Variants in LARGE1 observed in about 807,000 individuals in gnomAD.
The protein encoded by LARGE1 is LARGE xylosyl- and glucuronyltransferase 1, also known as xylosyl- and glucuronyltransferase LARGE1.
Under a neutral mutation model 87.6 loss-of-function variants are expected in LARGE1, and 43 were observed. The ratio of observed to expected loss-of-function variants is 0.49; its 90% CI spans 0.38 to 0.63. The LOEUF (loss-of-function observed/expected upper bound fraction) is 0.63. Ranked by LOEUF, LARGE1 falls within the 30% of genes least tolerant of loss-of-function variation. The pLI is 0.00. For synonymous variants in LARGE1, 434 were observed against 394.6 expected, an observed-to-expected ratio of 1.10 and a Z score of -1.18; for missense variants, 802 against 1,000.2, an observed-to-expected ratio of 0.80 and a Z score of 2.67.
chr22:33,214,210 A>G (rs1236496003), intron 11 of LARGE1, among the ~76,000 whole-genome samples: 1 of 152,092 alleles, frequency 6.6e-6, no homozygotes, highest in East Asian at 1.9e-4. Flanking sequence ...AGGTGTTTAC[A>G]TGGTTCCTTT....
chr22:33,500,487 A>G (rs5754579), intron 6 of LARGE1, among the ~76,000 whole-genome samples: 44,701 of 152,096 alleles, frequency 0.29, 6,994 homozygotes, highest in African/African-American at 0.38. Context: ...AATCTCCCGC[A>G]GGAGACTATT....
intron 6 of LARGE1, among the ~76,000 whole-genome samples, chr22:33,483,897 G>A (rs2069446134): frequency 6.6e-6 from 1 of 152,116 alleles, no homozygotes; most frequent in South Asian, 2.1e-4. Context: ...GCCTGCTGCT[G>A]GGCATGGCCT....
intron 6 of LARGE1, among the ~76,000 whole-genome samples, chr22:33,542,162 CAAAAAAAAAA>C (rs150998193): frequency 1.1e-5 from 1 of 92,696 alleles, no homozygotes; most frequent in Non-Finnish European, 2.0e-5. Flanking sequence ...AACTCTGTCT[CAAAAAAAAAA>C]AAAAAAAAAA....
At chr22:33,179,699 T>C (rs1443535815) in intron 11 of LARGE1, among the ~76,000 whole-genome samples, 3 of 152,342 alleles carry the variant, frequency 2.0e-5, no homozygotes, top group South Asian at 4.1e-4. Flanking sequence ...GTCCATTTAT[T>C]TGCTGGGTTT....
Position 33,625,496 on chromosome 22 carries a change from A to C in LARGE1, c.491+748T>G, listed in dbSNP as rs187562615. 2.6e-5 allele frequency among the ~76,000 whole-genome samples: 4 copies of C among 152,330 alleles called. No individual in the cohort carries two copies. In the East Asian group the frequency reaches 7.7e-4, roughly 29 times the overall value. On this transcript the variant is annotated intron_variant, in intron 4 of 14. Coordinates refer to ENST00000397394, the MANE Select transcript of LARGE1 (RefSeq NM_133642.5). ...TCATCCGCAGGTTGGGAAACAGTTT[A>C]ACTAAGGCAGGACTTTTTTACAGTC...
At chr22:33,418,497 G>A (rs1416438346) in intron 7 of LARGE1, among the ~76,000 whole-genome samples, 1 of 152,170 alleles carries the variant, frequency 6.6e-6, no homozygotes, top group Non-Finnish European at 1.5e-5. Context: ...GTGCAAAGAA[G>A]AAATATAAAT....
intron 1 of LARGE1, among the ~76,000 whole-genome samples, chr22:33,787,039 A>G (rs1230149505): frequency 6.6e-6 from 1 of 151,306 alleles, no homozygotes; most frequent in Non-Finnish European, 1.5e-5. Flanking sequence ...AAAAAAAAAG[A>G]AAGAAAAAGT....
chr22:33,392,118 C>T (rs932334640), intron 7 of LARGE1, among the ~76,000 whole-genome samples: 5 of 151,266 alleles, frequency 3.3e-5, no homozygotes, highest in African/African-American at 9.7e-5. Flanking sequence ...CAGAGTGACA[C>T]AGCAGAATGA....
At chr22:33,527,888 C>T (rs1302962358) in intron 6 of LARGE1, among the ~76,000 whole-genome samples, 1 of 152,132 alleles carries the variant, frequency 6.6e-6, no homozygotes, top group African/African-American at 2.4e-5. Context: ...AGGTGGAGTT[C>T]CTGCATGGAA....
At chr22:33,920,707 G>A (rs1310638256), upstream of LARGE1, among the ~76,000 whole-genome samples, 3 of 145,438 alleles carry the variant, frequency 2.1e-5, no homozygotes, top group Non-Finnish European at 4.6e-5. Context: ...TGGGTGCGGG[G>A]AGCCGAGGCG....
At chr22:33,101,142 G>A in the LARGE1 span, among the ~76,000 whole-genome samples, 3 of 152,238 alleles carry the variant, frequency 2.0e-5, no homozygotes, top group South Asian at 2.1e-4. Context: ...ACCATGCTTG[G>A]CCTGCATTAA....
At chr22:33,676,272 A>C (rs1159603761) in intron 2 of LARGE1, among the ~76,000 whole-genome samples, 2 of 150,544 alleles carry the variant, frequency 1.3e-5, no homozygotes, top group Middle Eastern at 3.2e-3. Context: ...CAGGTGGGAG[A>C]ATCCTCTGAG....
intron 11 of LARGE1, among the ~76,000 whole-genome samples, chr22:33,312,046 C>A (rs906167491): frequency 2.6e-5 from 4 of 152,176 alleles, no homozygotes; most frequent in Non-Finnish European, 5.9e-5. Context: ...TGGTATCATT[C>A]TGGGAGCCTC....
chr22:33,814,724 ATGTGTG>A (rs5845113), intron 1 of LARGE1, among the ~76,000 whole-genome samples: 2,754 of 150,246 alleles, frequency 0.018, 75 homozygotes, highest in African/African-American at 0.061. Flanking sequence ...ATCAAGGTAT[ATGTGTG>A]TGTGTGTGTG....
intron 9 of LARGE1, among the ~76,000 whole-genome samples, chr22:33,343,462 T>A (rs1305190303): frequency 6.6e-6 from 1 of 152,172 alleles, no homozygotes; most frequent in African/African-American, 2.4e-5. Context: ...CATATATATA[T>A]ATGATATTAA....
chr22:33,726,729 G>C (rs1230539760), intron 2 of LARGE1, among the ~76,000 whole-genome samples: 1 of 152,136 alleles, frequency 6.6e-6, no homozygotes, highest in Admixed American at 6.6e-5. Flanking sequence ...CCAGCCCCAA[G>C]GTGGGCAATT....
chr22:33,466,549 T>A (rs976930509), intron 6 of LARGE1, among the ~76,000 whole-genome samples: 2 of 152,036 alleles, frequency 1.3e-5, no homozygotes, highest in African/African-American at 2.4e-5. Context: ...GAGCTGTGAA[T>A]GTTACTTGTC....
At chr22:33,544,408 C>G (rs978762791) in intron 6 of LARGE1, among the ~76,000 whole-genome samples, 6 of 152,106 alleles carry the variant, frequency 3.9e-5, no homozygotes, top group African/African-American at 1.4e-4. Flanking sequence ...ACCTTTCTAC[C>G]AGGTGCGGTG....
intron 2 of LARGE1, among the ~76,000 whole-genome samples, chr22:33,661,163 A>G (rs957170903): frequency 3.9e-5 from 6 of 152,066 alleles, no homozygotes; most frequent in African/African-American, 1.4e-4. Context: ...ACTTGCTGTA[A>G]GCCTCAAACT....
Sources: allele counts gnomAD v4.1 joint callset (sites outside exome capture counted in the v4.1 genomes callset), GRCh38; gene constraint gnomAD v4.1.1; transcripts MANE v1.5; gene names NCBI Gene and HGNC (gene_info 2026-07-23, HGNC 2026-07-21).